Variants in ASTN1 observed in about 807,000 individuals in gnomAD.
ASTN1 encodes the protein astrotactin-1.
In ASTN1, 41 loss-of-function variants were observed where a neutral mutation model predicts 140.7. The ratio of observed to expected loss-of-function variants is 0.29; its 90% CI spans 0.23 to 0.38. ASTN1 has a LOEUF of 0.38. Ranked by LOEUF, ASTN1 falls within the 10% of genes least tolerant of loss-of-function variation. The pLI is 1.00. For missense variants in ASTN1, 1,479 were observed against 1,678.8 expected (o/e 0.88, Z 2.08); for synonymous variants, 640 against 652.2 (o/e 0.98, Z 0.29).
intron 2 of ASTN1, among the ~76,000 whole-genome samples, chr1:177,057,653 TTC>T (rs1294131829): frequency 1.3e-5 from 2 of 152,238 alleles, no homozygotes; most frequent in Non-Finnish European, 2.9e-5. Flanking sequence ...GCTTTATCTT[TTC>T]TCTTTTTCCA....
chr1:177,152,675 TA>T (rs1462556207), intron 1 of ASTN1, among the ~76,000 whole-genome samples: 1 of 152,140 alleles, frequency 6.6e-6, no homozygotes, highest in African/African-American at 2.4e-5. Context: ...GGTTTATGAC[TA>T]AAAATACCAC....
chr1:177,048,870 C>T (rs1454985179), intron 2 of ASTN1, among the ~76,000 whole-genome samples: 1 of 152,184 alleles, frequency 6.6e-6, no homozygotes, highest in East Asian at 1.9e-4. Context: ...CTGCAGAGAG[C>T]CCCCACTGGG....
intron 1 of ASTN1, among the ~76,000 whole-genome samples, chr1:177,090,863 G>A (rs555434155): frequency 5.5e-5 from 8 of 145,278 alleles, no homozygotes; most frequent in East Asian, 2.1e-4. Flanking sequence ...AGTTCATTCC[G>A]TTGTTCCTTG....
chr1:176,948,194 G>A (rs1040299880), intron 12 of ASTN1, among the ~76,000 whole-genome samples: 3 of 152,016 alleles, frequency 2.0e-5, no homozygotes, highest in African/African-American at 7.3e-5. Context: ...GATCCTTGAG[G>A]GCAAGAACTA....
chr1:177,058,481 T>C (rs1008015794), intron 2 of ASTN1, among the ~76,000 whole-genome samples: 4 of 152,180 alleles, frequency 2.6e-5, no homozygotes, highest in Admixed American at 6.5e-5. Flanking sequence ...TGGTGACAAG[T>C]AGCATATGAA....
chr1:176,879,571 C>T (rs969693308), intron 20 of ASTN1, among the ~76,000 whole-genome samples: 1 of 152,128 alleles, frequency 6.6e-6, no homozygotes, highest in East Asian at 1.9e-4. Flanking sequence ...CCACCTCTCC[C>T]CCCGCCCCCA....
intron 1 of ASTN1, among the ~76,000 whole-genome samples, chr1:177,132,514 G>A (rs561861613): frequency 6.6e-6 from 1 of 152,324 alleles, no homozygotes; most frequent in African/African-American, 2.4e-5. Flanking sequence ...GGAGGAAGGT[G>A]CAGATATACC....
intron 1 of ASTN1, among the ~76,000 whole-genome samples, chr1:177,127,527 G>A (rs189372509): frequency 6.0e-4 from 91 of 152,242 alleles, no homozygotes; most frequent in African/African-American, 2.2e-3. Context: ...GAAGCCCAAG[G>A]CTCTAACCAC....
At chr1:177,043,776 G>A (rs1272715666) in intron 2 of ASTN1, among the ~76,000 whole-genome samples, 3 of 152,156 alleles carry the variant, frequency 2.0e-5, no homozygotes, top group Non-Finnish European at 4.4e-5. Context: ...CACGATTAGA[G>A]CATCATATGC....
chr1:176,944,510 C>G (rs1049077848), intron 13 of ASTN1, among the ~76,000 whole-genome samples: 4 of 152,212 alleles, frequency 2.6e-5, no homozygotes, highest in East Asian at 1.9e-4. Context: ...AACCACCCAC[C>G]ACCTTGGCCT....
chr1:177,076,291 A>AAAAAGAAAGAAAGAAAAAGAAAAAG (rs1678906240), intron 1 of ASTN1, among the ~76,000 whole-genome samples: 1 of 150,110 alleles, frequency 6.7e-6, no homozygotes, highest in East Asian at 2.0e-4. Context: ...AAAAAAAAAA[A>AAAAAGAAAGAAAGAAAAAGAAAAAG]AAAAGAAAGA....
chr1:177,111,242 T>A (rs78045456), intron 1 of ASTN1, among the ~76,000 whole-genome samples: 1 of 151,636 alleles, frequency 6.6e-6, no homozygotes, highest in Non-Finnish European at 1.5e-5. Context: ...GAAGTTAGAA[T>A]TTTTTTTTAC....
intron 9 of ASTN1, among the ~76,000 whole-genome samples, chr1:176,961,495 C>G (rs1017423533): frequency 6.6e-6 from 1 of 152,178 alleles, no homozygotes; most frequent in East Asian, 1.9e-4. Flanking sequence ...ATCCTTACAA[C>G]AGTCCTCTGA....
intron 1 of ASTN1, among the ~76,000 whole-genome samples, chr1:177,122,744 T>C (rs879662962): frequency 2.6e-4 from 40 of 152,126 alleles, no homozygotes; most frequent in Non-Finnish European, 4.4e-4. Context: ...ACACACGGCC[T>C]TCCTGCAAGA....
At chr1:177,055,469 G>A (rs1223689106) in intron 2 of ASTN1, among the ~76,000 whole-genome samples, 5 of 152,324 alleles carry the variant, frequency 3.3e-5, no homozygotes, top group African/African-American at 1.2e-4. Flanking sequence ...GAAACAAAGA[G>A]CAAAGAGGTT....
Position 176,862,160 on chromosome 1 carries a change from G to T in ASTN1, c.*2124C>A, listed in dbSNP as rs1376907732. On this transcript the variant is annotated 3_prime_UTR_variant, in exon 23 of 23. Coordinates refer to ENST00000361833, the MANE Select transcript of ASTN1 (RefSeq NM_004319.3). ...TGCCCCTTGAGGCACTTTAACTGAG[G>T]CTCCAGCATTTGCCACAGGTGGGAC... The T allele has an allele frequency of 3.0e-6, 3 of 985,348 alleles. No homozygotes were observed. In the East Asian group the frequency reaches 3.4e-4, roughly 112 times the overall value. 61.0% of individuals were successfully genotyped at this position (985,348 alleles called of 1,614,324 possible).
At position 177,115,049 on chromosome 1, in the gene ASTN1, G is replaced by A. The variant is rs367683509; in HGVS notation, c.283+49345C>T. 5.3e-5 allele frequency among the ~76,000 whole-genome samples: 8 copies of A among 152,040 alleles called. 1 individual carries two copies. The highest frequency in any genetic ancestry group is 1.9e-4 in the African/African-American group (8 of 41,400). ...AGAAGGAAGAGGAAGGGAAAAGAAG[G>A]GGGTAGGGGACCAAGAAAAGAAGAA... On this transcript the variant is annotated intron_variant, in intron 1 of 22. Transcript: ENST00000361833.
chr1:177,108,821 C>T (rs1680676797), intron 1 of ASTN1, among the ~76,000 whole-genome samples: 1 of 152,118 alleles, frequency 6.6e-6, no homozygotes, highest in Non-Finnish European at 1.5e-5. Flanking sequence ...ACATATAAGG[C>T]TCCCAAGCTC....
intron 1 of ASTN1, among the ~76,000 whole-genome samples, chr1:177,077,128 G>T (rs1275211183): frequency 6.6e-6 from 1 of 152,076 alleles, no homozygotes; most frequent in Non-Finnish European, 1.5e-5. Flanking sequence ...AGTCACAGAA[G>T]CCTTCTGCAT....
Sources: gnomAD v4.1 joint callset for allele counts (sites outside exome capture counted in the v4.1 genomes callset) on GRCh38, gnomAD v4.1.1 for gene constraint, MANE v1.5 for transcripts, NCBI Gene and HGNC (gene_info 2026-07-23, HGNC 2026-07-21) for gene names.